Variants in PTPRO observed in about 807,000 individuals in gnomAD.
PTPRO encodes the protein receptor-type tyrosine-protein phosphatase O.
PTPRO carries 62 observed loss-of-function variants against 145.2 expected under a neutral mutation model. The ratio of observed to expected loss-of-function variants is 0.43; its 90% confidence interval spans 0.35 to 0.53. The LOEUF is 0.53. Among genes scored for constraint, PTPRO ranks in the 20% least tolerant of loss-of-function variants. The probability of loss-of-function intolerance (pLI) is 0.01; values close to 1 mark genes in which losing one functional copy is unlikely to be tolerated. For missense variants in PTPRO, 1,345 were observed against 1,482.7 expected (o/e 0.91, Z 1.53); for synonymous variants, 565 against 514.7 (o/e 1.10, Z -1.32).
chr12:15,531,551 A>T (rs1202005102), intron 12 of PTPRO, among the ~76,000 whole-genome samples: 1 of 152,170 alleles, frequency 6.6e-6, no homozygotes, highest in East Asian at 1.9e-4. Context: ...CATCTTCTAC[A>T]TTCAAAAATT....
At chr12:15,328,175 C>G (rs1376938484) in intron 1 of PTPRO, among the ~76,000 whole-genome samples, 1 of 151,828 alleles carries the variant, frequency 6.6e-6, no homozygotes, top group African/African-American at 2.4e-5. Context: ...ATGTAATCTG[C>G]TATCACCAAT....
In PTPRO at chr12:15,370,877, G is replaced by A. The variant is rs545443792; in HGVS notation, c.75+48076G>A. Among the ~76,000 whole-genome samples, 2 of 152,174 alleles carry A rather than the reference G, an allele frequency of 1.3e-5. 1 individual carries two copies. The highest frequency in any genetic ancestry group is 4.8e-5 in the African/African-American group (2 of 41,524). ...TGAAACACTACTTAGGATATCAAAA[G>A]ACTAAAACAGCTTAAATTTCCAACA... On this transcript the variant is annotated intron_variant, in intron 1 of 26. Coordinates refer to ENST00000281171, the MANE Select transcript of PTPRO (RefSeq NM_030667.3).
At chr12:15,513,439 C>T (rs1261355228) in intron 7 of PTPRO, among the ~76,000 whole-genome samples, 1 of 152,048 alleles carries the variant, frequency 6.6e-6, no homozygotes, top group Non-Finnish European at 1.5e-5. Flanking sequence ...AATGAAAATC[C>T]CAATTTATTA....
chr12:15,355,153 T>C (rs753444209), intron 1 of PTPRO, among the ~76,000 whole-genome samples: 4 of 151,188 alleles, frequency 2.6e-5, no homozygotes, highest in Non-Finnish European at 5.9e-5. Context: ...GGCATTTCCC[T>C]ATGTGTCTTT....
Position 15,594,964 on chromosome 12 carries a change from G to T in PTPRO, c.3574G>T (p.Val1192Leu). The T allele has an allele frequency of 6.2e-7, 1 of 1,613,526 alleles. No homozygotes were observed. Reference sequence around the variant, plus strand: ...GCAGTACATTTTTATCCATCAGTGTGTGCAACTGATGTGGATGAAGAAGAA... The same window carrying T: ...GCAGTACATTTTTATCCATCAGTGTTTGCAACTGATGTGGATGAAGAAGAA... ...EEQYIFIHQCVQLMWMKKKQQ... is the reference protein window; with the variant it reads ...EEQYIFIHQCLQLMWMKKKQQ... Residue 1192 changes from valine (V) to leucine (L), a missense_variant, in exon 26 of 27, where the codon GTG becomes TTG. By Grantham distance (32) the Val-to-Leu change is conservative. Around this residue, in one of 3 missense-constraint regions of PTPRO, gnomAD observed 208 missense variants for 242.8 expected, o/e 0.86. Coordinates refer to ENST00000281171, the MANE Select transcript of PTPRO (RefSeq NM_030667.3).
At chr12:15,437,643 T>C (rs988920704) in intron 1 of PTPRO, among the ~76,000 whole-genome samples, 4 of 150,006 alleles carry the variant, frequency 2.7e-5, no homozygotes, top group Non-Finnish European at 5.9e-5. Flanking sequence ...CCCCTTCTGT[T>C]CGTAGATATT....
Position 15,322,691 on chromosome 12 carries a change from G to C in PTPRO, c.-36G>C. The C allele has an allele frequency of 1.9e-6, 3 of 1,583,828 alleles. No homozygotes were observed. Among genetic ancestry groups the C allele is most frequent in the Non-Finnish European group, 2.6e-6 (3 of 1,160,558 alleles). ...GAGCCGCCGCCGGGGGAGTCCGCTA[G>C]CGCAGCCGTGCCCCCGAGTCCCCGT... On this transcript the variant is annotated 5_prime_UTR_variant, in exon 1 of 27. Coordinates refer to ENST00000281171, the MANE Select transcript of PTPRO (RefSeq NM_030667.3). This position sits in a 1 kb window ranked among gnomAD's most constrained non-coding sequence, Gnocchi z 6.3.
chr12:15,514,265 A>G (rs1942526750), intron 7 of PTPRO, among the ~76,000 whole-genome samples: 1 of 152,122 alleles, frequency 6.6e-6, no homozygotes, highest in Admixed American at 6.5e-5. Context: ...CAGCCTGGCC[A>G]ACATGGCGAA....
intron 1 of PTPRO, among the ~76,000 whole-genome samples, chr12:15,392,792 C>G (rs1265328421): frequency 6.6e-6 from 1 of 151,144 alleles, no homozygotes; most frequent in Non-Finnish European, 1.5e-5. Flanking sequence ...AGATATCTCC[C>G]TATTATTGTA....
chr12:15,408,174 G>A (rs887798082), intron 1 of PTPRO, among the ~76,000 whole-genome samples: 1 of 151,746 alleles, frequency 6.6e-6, no homozygotes, highest in Non-Finnish European at 1.5e-5. Context: ...TTTTAAAGAT[G>A]TTAGTCATTA....
At chr12:15,465,083 C>T (rs368392189) in intron 1 of PTPRO, among the ~76,000 whole-genome samples, 1 of 152,182 alleles carries the variant, frequency 6.6e-6, no homozygotes, top group Non-Finnish European at 1.5e-5. Flanking sequence ...AATAGCACAG[C>T]ATGATTTATA....
At position 15,557,495 on chromosome 12, in the gene PTPRO, G is replaced by C; in HGVS notation, c.2599G>C (p.Glu867Gln). 1 of 1,613,910 alleles carries C rather than the reference G, an allele frequency of 6.2e-7. No homozygotes were observed. The highest frequency in any genetic ancestry group is 8.5e-7 in the Non-Finnish European group (1 of 1,179,816). ...AGTFVNFASL[E>Q]RDGKLPYNWR... is the part of the protein sequence containing the mutation. ...TACATTTGTCAATTTTGCATCCTTA[G>C]AGAGGGATGGAAAGCTTCCATACAA... Residue 867 changes from glutamate (E) to glutamine (Q), a missense_variant, in exon 16 of 27, where the codon GAG (glutamate) becomes CAG (glutamine). Around this residue, in one of 3 missense-constraint regions of PTPRO, gnomAD observed 1,130 missense variants for 1,214.7 expected, o/e 0.93. Coordinates refer to ENST00000281171, the MANE Select transcript of PTPRO (RefSeq NM_030667.3).
At chr12:15,471,513 CA>C (rs1386957647) in intron 1 of PTPRO, among the ~76,000 whole-genome samples, 1 of 152,170 alleles carries the variant, frequency 6.6e-6, no homozygotes, top group Non-Finnish European at 1.5e-5. Flanking sequence ...TATTCTAATT[CA>C]ACAAGCATTT....
At position 15,484,042 on chromosome 12, in the gene PTPRO, C is replaced by A. The variant is rs755731862; in HGVS notation, c.144C>A (p.Asp48Glu). ...NNIVVSLEAS[D>E]VISPASVYVV... is the part of the protein sequence containing the mutation. ...TCGTTGTCTCATTAGAAGCTTCAGA[C>A]GTCATCAGTCCAGCATCTGTGTATG... is the stretch of plus-strand genomic sequence containing the variant. Residue 48 changes from aspartate (D) to glutamate (E), a missense_variant, in exon 2 of 27, where the codon GAC becomes GAA. Asp to Glu is a conservative substitution (Grantham distance 45). Around this residue, in one of 3 missense-constraint regions of PTPRO, gnomAD observed 1,130 missense variants for 1,214.7 expected, o/e 0.93. Transcript: ENST00000281171. The A allele has an allele frequency of 6.2e-7, 1 of 1,613,394 alleles. No individual in the cohort carries two copies. The highest frequency in any genetic ancestry group is 8.5e-7 in the Non-Finnish European group (1 of 1,179,502).
chr12:15,369,491 T>C (rs1381363272), intron 1 of PTPRO, among the ~76,000 whole-genome samples: 2 of 152,216 alleles, frequency 1.3e-5, no homozygotes, highest in African/African-American at 4.8e-5. Context: ...TTACTTTCTT[T>C]GTAAGTCTGC....
chr12:15,549,138 T>C lies in PTPRO; in HGVS notation c.2349T>C (p.Leu783=). ...VSSHVVTISS[L]LPATAYNCSV... Reference sequence around the variant, plus strand: ...CCCATGTCGTGACCATCTCCAGCCTTCTTCCTGCCACTGCCTACAATTGTA... The same window carrying C: ...CCCATGTCGTGACCATCTCCAGCCTCCTTCCTGCCACTGCCTACAATTGTA... The change falls in exon 14 of 27, where the codon CTT becomes CTC. Residue 783 remains leucine, a synonymous_variant. Transcript: ENST00000281171. The C allele has an allele frequency of 6.2e-7, 1 of 1,613,664 alleles. No individual in the cohort carries two copies. Among genetic ancestry groups the C allele is most frequent in the Non-Finnish European group, 8.5e-7 (1 of 1,179,724 alleles).
chr12:15,515,987 G>GTTTTTTTTTTTTTTTTTTTTTTT lies in PTPRO; in HGVS notation c.1585+373_1585+374insTTTTTTTTTTTTTTTTTTTTTTT, dbSNP rs1387922121. Among the ~76,000 whole-genome samples, 4 of 80,662 alleles carry GTTTTTTTTTTTTTTTTTTTTTTT rather than the reference G, an allele frequency of 5.0e-5. 1 individual carries two copies. Among genetic ancestry groups the GTTTTTTTTTTTTTTTTTTTTTTT allele is most frequent in the Non-Finnish European group, 7.1e-5 (3 of 42,438 alleles). 52.9% of individuals were successfully genotyped at this position (80,662 alleles called of 152,430 possible). A position where few individuals can be genotyped will look rare whatever the true frequency, so the allele number is the denominator to read the frequency against. On this transcript the variant is annotated intron_variant, in intron 8 of 26. Coordinates refer to ENST00000281171, the MANE Select transcript of PTPRO (RefSeq NM_030667.3). ...GTTTTGTTTGTCTGGTTTTTTTTTT[G>GTTTTTTTTTTTTTTTTTTTTTTT]TTTTGTTTTTTTTTTTTTTTGGAGA...
At chr12:15,325,557 GA>G (rs926714570) in intron 1 of PTPRO, among the ~76,000 whole-genome samples, 3 of 152,000 alleles carry the variant, frequency 2.0e-5, no homozygotes, top group South Asian at 4.2e-4. Context: ...TAAAATAGAA[GA>G]AAAAATGGAA....
chr12:15,504,672 A>G (rs979247671), intron 6 of PTPRO, among the ~76,000 whole-genome samples: 75 of 152,294 alleles, frequency 4.9e-4, no homozygotes, highest in African/African-American at 1.7e-3. Context: ...AGCTAAACTG[A>G]CTATGTTTAC....
Sources: gnomAD v4.1 joint callset for allele counts (sites outside exome capture counted in the v4.1 genomes callset) on GRCh38, gnomAD v4.1.1 for gene constraint, gnomAD v4.1.1 regional missense constraint, Gnocchi (gnomAD v3.1) non-coding constraint, MANE v1.5 for transcripts, NCBI Gene and HGNC (gene_info 2026-07-23, HGNC 2026-07-21) for gene names.